CNTNAP5: variants seen among roughly 807,000 people sequenced by gnomAD.
CNTNAP5 encodes the protein contactin-associated protein-like 5.
CNTNAP5 carries 72 observed loss-of-function variants against 150.2 expected under a neutral mutation model. The observed-to-expected ratio is 0.48, with a 90% CI of 0.40 to 0.58. The LOEUF (loss-of-function observed/expected upper bound fraction) is 0.58, where lower values mean the gene tolerates loss of function less well. CNTNAP5 is among the 20% of genes least tolerant of loss of function. CNTNAP5 has a pLI of 0.00. For missense variants in CNTNAP5, 1,636 were observed against 1,626.2 expected, an observed-to-expected ratio of 1.01 and a Z score of -0.10; for synonymous variants, 672 against 619.8, an observed-to-expected ratio of 1.08 and a Z score of -1.25.
chr2:124,052,264 A>C (rs554131571), intron 1 of CNTNAP5, among the ~76,000 whole-genome samples: 1 of 152,346 alleles, frequency 6.6e-6, no homozygotes, highest in African/African-American at 2.4e-5. Context: ...TACTTTATTG[A>C]AAGTCTTTAC....
rs150298238 is a variant in CNTNAP5 at position 124,679,374 on chromosome 2, T to C, written c.2077+31416T>C. On this transcript the variant is annotated intron_variant, in intron 13 of 23. Transcript: ENST00000682447. The stretch of plus-strand genomic sequence containing the variant: ...CATTGAAAGTAATCACTAACATCAT[T>C]ATCATCTCATCCCTTCTGATTCTGA... 6.3e-4 allele frequency among the ~76,000 whole-genome samples: 95 copies of C among 151,922 alleles called. 1 individual carries two copies. Among genetic ancestry groups the C allele is most frequent in the Middle Eastern group, 3.4e-3 (1 of 294 alleles).
chr2:124,381,829 G>A (rs937788604), intron 3 of CNTNAP5, among the ~76,000 whole-genome samples: 4 of 152,008 alleles, frequency 2.6e-5, no homozygotes, highest in Non-Finnish European at 4.4e-5. Flanking sequence ...ATCTTCCTGT[G>A]GTTGATGAAG....
chr2:124,333,373 G>A (rs1689395848), intron 3 of CNTNAP5, among the ~76,000 whole-genome samples: 1 of 152,162 alleles, frequency 6.6e-6, no homozygotes, highest in African/African-American at 2.4e-5. Flanking sequence ...GTTAAAGACT[G>A]TCTATCTCAC....
intron 14 of CNTNAP5, among the ~76,000 whole-genome samples, chr2:124,761,904 G>T (rs909028081): frequency 4.1e-4 from 62 of 152,110 alleles, no homozygotes; most frequent in African/African-American, 1.4e-3. Flanking sequence ...TTGTGGAAAA[G>T]ATGCCAGAAT....
chr2:124,457,539 T>C (rs1349963417), intron 6 of CNTNAP5, among the ~76,000 whole-genome samples: 2 of 152,118 alleles, frequency 1.3e-5, no homozygotes, highest in East Asian at 3.9e-4. Context: ...AAAATGTCTT[T>C]TTATTAATCA....
At chr2:124,774,404 T>C (rs1246646248) in intron 17 of CNTNAP5, among the ~76,000 whole-genome samples, 2 of 152,174 alleles carry the variant, frequency 1.3e-5, no homozygotes, top group Non-Finnish European at 2.9e-5. Context: ...GGATATCATA[T>C]TCTCTCTTCT....
intron 3 of CNTNAP5, among the ~76,000 whole-genome samples, chr2:124,260,811 C>T (rs185136924): frequency 6.6e-6 from 1 of 152,114 alleles, no homozygotes; most frequent in Non-Finnish European, 1.5e-5. Context: ...CCATCCAATG[C>T]AAAATATGTG....
At chr2:124,277,865 C>T (rs1185163274) in intron 3 of CNTNAP5, among the ~76,000 whole-genome samples, 1 of 152,114 alleles carries the variant, frequency 6.6e-6, no homozygotes, top group Non-Finnish European at 1.5e-5. Flanking sequence ...CATGCATTAG[C>T]AATCACCACC....
intron 5 of CNTNAP5, among the ~76,000 whole-genome samples, chr2:124,444,976 C>T (rs373319657): frequency 1.3e-5 from 2 of 152,224 alleles, no homozygotes; most frequent in Non-Finnish European, 2.9e-5. Flanking sequence ...CATCTCTACA[C>T]TAAGACCACG....
intron 1 of CNTNAP5, among the ~76,000 whole-genome samples, chr2:124,088,481 G>A (rs561470514): frequency 6.6e-6 from 1 of 151,360 alleles, no homozygotes; most frequent in Non-Finnish European, 1.5e-5. Context: ...AAGATCTTAG[G>A]TTCTTAATAT....
chr2:124,245,432 A>G lies in CNTNAP5; in HGVS notation c.381+3039A>G, dbSNP rs1286646489. On this transcript the variant is annotated intron_variant, in intron 3 of 23. Coordinates refer to ENST00000682447, the MANE Select transcript of CNTNAP5 (RefSeq NM_001367498.1). Reference sequence around the variant, plus strand: ...GGGTCCACCAAAACTAAGCCTTATAACTAAGACAAGAACAATAGTCAAACA... The same window carrying G: ...GGGTCCACCAAAACTAAGCCTTATAGCTAAGACAAGAACAATAGTCAAACA... 3.3e-5 allele frequency among the ~76,000 whole-genome samples: 5 copies of G among 152,124 alleles called. No homozygotes were observed. In the East Asian group the frequency reaches 9.6e-4, roughly 29 times the overall value.
intron 2 of CNTNAP5, among the ~76,000 whole-genome samples, chr2:124,227,600 C>T (rs1421783471): frequency 2.0e-5 from 3 of 151,178 alleles, no homozygotes; most frequent in Non-Finnish European, 4.4e-5. Flanking sequence ...AATATAAACT[C>T]ATAGGTCTTA....
intron 22 of CNTNAP5, among the ~76,000 whole-genome samples, chr2:124,905,404 C>T (rs1167341079): frequency 6.6e-6 from 1 of 152,010 alleles, no homozygotes; most frequent in African/African-American, 2.4e-5. Flanking sequence ...AACTCGAATC[C>T]TATTTCTGAA....
In CNTNAP5 at chr2:124,763,782, T is replaced by G; in HGVS notation, c.2345T>G (p.Leu782Trp). 6.2e-7 allele frequency: 1 copy of G among 1,613,144 alleles called. No homozygotes were observed. Residue 782 changes from leucine (L) to tryptophan (W), a missense_variant, in exon 15 of 24, where the codon TTG becomes TGG. Coordinates refer to ENST00000682447, the MANE Select transcript of CNTNAP5 (RefSeq NM_001367498.1). ...NSEAAWRIGP[L>W]RCYGDRRFWN... ...GAAGCCGCTTGGAGAATTGGTCCCT[T>G]GCGTTGCTATGGTGACCGTGAGTAC...
chr2:124,636,984 G>A (rs1202242980), intron 12 of CNTNAP5, among the ~76,000 whole-genome samples: 5 of 151,912 alleles, frequency 3.3e-5, no homozygotes, highest in African/African-American at 7.3e-5. Flanking sequence ...TAGACACAGC[G>A]ATAATTTAAA....
At chr2:124,279,927 G>A (rs1248623279) in intron 3 of CNTNAP5, among the ~76,000 whole-genome samples, 2 of 151,924 alleles carry the variant, frequency 1.3e-5, no homozygotes, top group African/African-American at 4.8e-5. Context: ...AATAAAAAAT[G>A]TACATTTAAC....
chr2:124,224,272 G>T (rs1284936895), intron 2 of CNTNAP5, among the ~76,000 whole-genome samples: 1 of 152,064 alleles, frequency 6.6e-6, no homozygotes, highest in Non-Finnish European at 1.5e-5. Context: ...GTCAGGCATT[G>T]TTCTAGATCC....
At chr2:124,054,504 C>T (rs1278164182) in intron 1 of CNTNAP5, among the ~76,000 whole-genome samples, 1 of 152,084 alleles carries the variant, frequency 6.6e-6, no homozygotes, top group Non-Finnish European at 1.5e-5. Context: ...CTGTCAATGT[C>T]ACCACTCCAC....
At chr2:124,557,229 C>T (rs1695778991) in intron 10 of CNTNAP5, among the ~76,000 whole-genome samples, 1 of 152,110 alleles carries the variant, frequency 6.6e-6, no homozygotes. Flanking sequence ...TATCTTACTT[C>T]TCCACTCAGA....
Sources: gnomAD v4.1 joint callset for allele counts (sites outside exome capture counted in the v4.1 genomes callset) on GRCh38, gnomAD v4.1.1 for gene constraint, MANE v1.5 for transcripts, NCBI Gene and HGNC (gene_info 2026-07-23, HGNC 2026-07-21) for gene names.